ASPRV1: variants seen among roughly 807,000 people sequenced by gnomAD.
The protein encoded by ASPRV1 is retroviral-like aspartic protease 1.
In ASPRV1, 7 loss-of-function variants were observed where a neutral mutation model predicts 11.0. The observed-to-expected ratio is 0.64, with a 90% CI of 0.36 to 1.20. ASPRV1 has a LOEUF of 1.20. Ranked by LOEUF, ASPRV1 falls within the 50% of genes most tolerant of loss-of-function variation. The pLI, the probability that ASPRV1 is intolerant of heterozygous loss-of-function variation, is 0.02. For synonymous variants in ASPRV1, 136 were observed against 138.4 expected (o/e 0.98, Z 0.12); for missense variants, 299 against 320.0 (o/e 0.93, Z 0.50).
At chr2:70,027,132 C>T in the ASPRV1 span, among the ~76,000 whole-genome samples, 1 of 151,096 alleles carries the variant, frequency 6.6e-6, no homozygotes, top group South Asian at 2.1e-4. Context: ...ATGATGTGCA[C>T]CTGTAGTCCC....
the ASPRV1 span, among the ~76,000 whole-genome samples, chr2:69,952,794 G>A: frequency 6.6e-6 from 1 of 152,150 alleles, no homozygotes; most frequent in East Asian, 1.9e-4. Context: ...TGGAAGATGT[G>A]ACAACCAAAA....
chr2:70,035,245 G>A, the ASPRV1 span, among the ~76,000 whole-genome samples: 8 of 152,144 alleles, frequency 5.3e-5, no homozygotes, highest in Admixed American at 5.2e-4. Context: ...TCAGCAGCCT[G>A]ATCTTTTAGG....
the ASPRV1 span, among the ~76,000 whole-genome samples, chr2:69,943,835 C>T: frequency 6.6e-6 from 1 of 152,188 alleles, no homozygotes; most frequent in Non-Finnish European, 1.5e-5. Context: ...TTTGTTACAC[C>T]AGGAGAGCAC....
At chr2:70,064,942 A>C in the ASPRV1 span, among the ~76,000 whole-genome samples, 1 of 151,938 alleles carries the variant, frequency 6.6e-6, no homozygotes, top group African/African-American at 2.4e-5. Flanking sequence ...AAAAATACAA[A>C]ACTTAAGCCA....
chr2:70,001,307 T>C, the ASPRV1 span, among the ~76,000 whole-genome samples: 1,953 of 152,260 alleles, frequency 0.013, 48 homozygotes, highest in African/African-American at 0.045. Flanking sequence ...GGAGGATGAA[T>C]TACTTGAACT....
chr2:69,980,772 T>TA, the ASPRV1 span, among the ~76,000 whole-genome samples: 118 of 152,032 alleles, frequency 7.8e-4, no homozygotes, highest in African/African-American at 2.4e-3. Flanking sequence ...TTATTTTATT[T>TA]TTTATTTACT....
chr2:69,941,863 T>TATACAC, the ASPRV1 span: 6 of 144,736 alleles, frequency 4.1e-5, no homozygotes, highest in African/African-American at 1.6e-4. Context: ...TATCTATATA[T>TATACAC]ACACACACAC....
At chr2:69,957,200 T>C (rs2104260930), downstream of ASPRV1, among the ~76,000 whole-genome samples, 1 of 152,260 alleles carries the variant, frequency 6.6e-6, no homozygotes, top group Middle Eastern at 3.4e-3. Flanking sequence ...CTTGTTGTTG[T>C]TGTTGTTTTC....
At chr2:70,077,207 T>C in the ASPRV1 span, 3 of 152,210 alleles carry the variant, frequency 2.0e-5, no homozygotes, top group African/African-American at 7.2e-5. Flanking sequence ...CTATTATTTT[T>C]GTTATCATCA....
chr2:69,957,160 A>C (rs906154359), downstream of ASPRV1, among the ~76,000 whole-genome samples: 2 of 152,176 alleles, frequency 1.3e-5, no homozygotes, highest in Non-Finnish European at 2.9e-5. Context: ...TGATTTTGAT[A>C]ACTGCATCAT....
chr2:69,988,168 G>C, the ASPRV1 span, among the ~76,000 whole-genome samples: 1 of 152,188 alleles, frequency 6.6e-6, no homozygotes, highest in Non-Finnish European at 1.5e-5. Context: ...TTTAGGTATA[G>C]ACCCAAAAGA....
chr2:69,936,941 G>T, the ASPRV1 span: 1 of 537,082 alleles, frequency 1.9e-6, no homozygotes, highest in South Asian at 1.5e-5. Context: ...ACTGCTGCCT[G>T]CAGTCTTTCT....
chr2:70,033,300 C>A, the ASPRV1 span, among the ~76,000 whole-genome samples: 2 of 151,608 alleles, frequency 1.3e-5, no homozygotes, highest in Non-Finnish European at 2.9e-5. Context: ...CACACACACA[C>A]ACACACACAC....
chr2:70,043,941 TTTCTC>T, the ASPRV1 span, among the ~76,000 whole-genome samples: 1 of 152,148 alleles, frequency 6.6e-6, no homozygotes, highest in African/African-American at 2.4e-5. Context: ...CTGCTTGTCT[TTTCTC>T]AGACAAAACT....
upstream of ASPRV1, chr2:69,962,203 C>G (rs889261211): frequency 6.1e-5 from 1 of 16,512 alleles, no homozygotes; most frequent in African/African-American, 5.0e-4. Flanking sequence ...AGTGAGGACA[C>G]ACACACACAC....
chr2:69,953,702 T>C, the ASPRV1 span, among the ~76,000 whole-genome samples: 8 of 140,342 alleles, frequency 5.7e-5, no homozygotes, highest in African/African-American at 2.3e-4. Flanking sequence ...TTTTCTTTTT[T>C]TTTCTTTTTT....
chr2:69,939,153 A>C, the ASPRV1 span: 1 of 151,312 alleles, frequency 6.6e-6, no homozygotes, highest in South Asian at 2.1e-4. Context: ...TTCCCCCCCC[A>C]AAATAGTGAC....
At chr2:69,974,613 A>G in the ASPRV1 span, among the ~76,000 whole-genome samples, 1 of 152,120 alleles carries the variant, frequency 6.6e-6, no homozygotes, top group South Asian at 2.1e-4. Context: ...GCCCTGCCCA[A>G]TGTATATTTT....
the ASPRV1 span, among the ~76,000 whole-genome samples, chr2:69,966,685 T>C: frequency 5.9e-5 from 9 of 152,326 alleles, no homozygotes; most frequent in East Asian, 1.9e-4. Flanking sequence ...GCTGAACACA[T>C]AGAGGGCTTC....
Sources: allele counts gnomAD v4.1 joint callset (sites outside exome capture counted in the v4.1 genomes callset), GRCh38; gene constraint gnomAD v4.1.1; transcripts MANE v1.5; gene names NCBI Gene and HGNC (gene_info 2026-07-23, HGNC 2026-07-21).